The following ZNF385B variants were observed in gnomAD, a reference collection of about 807,000 sequenced individuals.
ZNF385B encodes zinc finger protein 533.
ZNF385B carries 23 observed loss-of-function variants against 39.2 expected under a neutral mutation model. That is an observed-to-expected ratio of 0.59 (90% CI 0.42 to 0.83). ZNF385B has a LOEUF of 0.83. Ranked by LOEUF, ZNF385B falls within the 40% of genes least tolerant of loss-of-function variation. ZNF385B has a pLI of 0.00. For synonymous variants in ZNF385B, 205 were observed against 222.6 expected (o/e 0.92, Z 0.70); for missense variants, 552 against 598.9 (o/e 0.92, Z 0.82).
chr2:179,584,448 A>G (rs1686873455), intron 3 of ZNF385B, among the ~76,000 whole-genome samples: 1 of 152,210 alleles, frequency 6.6e-6, no homozygotes, highest in African/African-American at 2.4e-5. Context: ...AGTTTTCTGA[A>G]GGAGGCAACA....
chr2:179,686,202 T>C (rs1697913535), intron 3 of ZNF385B, among the ~76,000 whole-genome samples: 1 of 152,210 alleles, frequency 6.6e-6, no homozygotes, highest in Non-Finnish European at 1.5e-5. Flanking sequence ...TGTGTCCCCT[T>C]TAACAGCTGT....
intron 6 of ZNF385B, among the ~76,000 whole-genome samples, chr2:179,471,356 G>C (rs1182142690): frequency 6.6e-6 from 1 of 152,118 alleles, no homozygotes; most frequent in Non-Finnish European, 1.5e-5. Context: ...TCATAATCTT[G>C]TCACACTAAA....
chr2:179,754,760 T>G (rs1035222389), intron 3 of ZNF385B, among the ~76,000 whole-genome samples: 3 of 152,158 alleles, frequency 2.0e-5, no homozygotes, highest in African/African-American at 7.2e-5. Context: ...TTGTATTTCT[T>G]TGGGATCGGT....
intron 1 of ZNF385B, among the ~76,000 whole-genome samples, chr2:179,817,062 C>T (rs573262636): frequency 6.6e-6 from 1 of 152,136 alleles, no homozygotes; most frequent in South Asian, 2.1e-4. Flanking sequence ...TGTTGAAAAT[C>T]GAAGAAGGAC....
intron 1 of ZNF385B, among the ~76,000 whole-genome samples, chr2:179,775,318 A>G (rs879030930): frequency 3.3e-5 from 5 of 152,236 alleles, no homozygotes; most frequent in Non-Finnish European, 7.3e-5. Context: ...GTATAAAATT[A>G]AGAACCTTAA....
intron 4 of ZNF385B, among the ~76,000 whole-genome samples, chr2:179,538,862 A>T (rs1448454402): frequency 1.3e-5 from 2 of 152,220 alleles, no homozygotes; most frequent in African/African-American, 4.8e-5. Context: ...ACTCACAAAA[A>T]CATTTCAAAT....
intron 1 of ZNF385B, among the ~76,000 whole-genome samples, chr2:179,779,406 G>T (rs993944906): frequency 4.6e-5 from 7 of 152,372 alleles, no homozygotes; most frequent in Admixed American, 3.9e-4. Flanking sequence ...AGCAGGGCCT[G>T]GTTGGTCATG....
chr2:179,858,561 T>G (rs78275225), intron 1 of ZNF385B, among the ~76,000 whole-genome samples: 2 of 151,514 alleles, frequency 1.3e-5, no homozygotes, highest in African/African-American at 4.9e-5. Flanking sequence ...TCCCCAAAAA[T>G]TTTTTTAAAA....
At chr2:179,456,688 C>T (rs748005802) in intron 6 of ZNF385B, among the ~76,000 whole-genome samples, 8 of 152,082 alleles carry the variant, frequency 5.3e-5, no homozygotes, top group African/African-American at 7.2e-5. Context: ...ATTTGCTTTA[C>T]GCAGAGCAAA....
At chr2:179,514,716 A>C (rs2057957859) in intron 5 of ZNF385B, among the ~76,000 whole-genome samples, 2 of 152,150 alleles carry the variant, frequency 1.3e-5, no homozygotes. Context: ...AGTGATTACA[A>C]ATAGGGAATG....
At chr2:179,802,740 C>T (rs1706111214) in intron 1 of ZNF385B, 1 of 151,320 alleles carries the variant, frequency 6.6e-6, no homozygotes, top group Admixed American at 6.6e-5. Flanking sequence ...ATGCTTACAA[C>T]TTACAAAACT....
intron 3 of ZNF385B, among the ~76,000 whole-genome samples, chr2:179,670,149 G>C (rs545230802): frequency 6.6e-6 from 1 of 151,880 alleles, no homozygotes; most frequent in Non-Finnish European, 1.5e-5. Flanking sequence ...AAAATTAGCC[G>C]GGCGTGATGG....
intron 4 of ZNF385B, among the ~76,000 whole-genome samples, chr2:179,526,853 A>T (rs1028491736): frequency 1.3e-5 from 2 of 152,174 alleles, no homozygotes; most frequent in South Asian, 4.1e-4. Flanking sequence ...GTTTGGGGAG[A>T]TGGTTTCTTC....
chr2:179,602,905 T>C (rs1019083884), intron 3 of ZNF385B, among the ~76,000 whole-genome samples: 1 of 152,238 alleles, frequency 6.6e-6, no homozygotes, highest in African/African-American at 2.4e-5. Context: ...TTGGTATTTA[T>C]TTTTCACTGT....
At chr2:179,681,185 A>G (rs1051810502) in intron 3 of ZNF385B, among the ~76,000 whole-genome samples, 2 of 151,770 alleles carry the variant, frequency 1.3e-5, no homozygotes, top group African/African-American at 2.4e-5. Context: ...AAAACTACAT[A>G]AATTTATTAA....
chr2:179,515,903 T>C (rs1377444601), intron 5 of ZNF385B, among the ~76,000 whole-genome samples: 1 of 152,178 alleles, frequency 6.6e-6, no homozygotes, highest in Non-Finnish European at 1.5e-5. Context: ...AAAACGTTCC[T>C]GCATTTCCCT....
chr2:179,767,791 T>C (rs1703790356), intron 3 of ZNF385B, among the ~76,000 whole-genome samples: 1 of 152,114 alleles, frequency 6.6e-6, no homozygotes, highest in African/African-American at 2.4e-5. Flanking sequence ...TTCAGAAATA[T>C]AATTTTTAAT....
At chr2:179,494,376 G>C (rs1052535165) in intron 5 of ZNF385B, among the ~76,000 whole-genome samples, 3 of 152,028 alleles carry the variant, frequency 2.0e-5, no homozygotes, top group Non-Finnish European at 2.9e-5. Context: ...GTGTACAGTG[G>C]AGAGGCTCGG....
In ZNF385B at chr2:179,446,760, C is replaced by T. The variant is rs1574164564; in HGVS notation, c.726G>A (p.Gly242=). The T allele has an allele frequency of 1.2e-6, 2 of 1,610,438 alleles. No individual in the cohort carries two copies. The highest frequency in any genetic ancestry group is 1.7e-5 in the Admixed American group (1 of 59,160). The change falls in exon 7 of 10, where the codon GGG becomes GGA. Residue 242 remains glycine, a synonymous_variant. Coordinates refer to ENST00000410066, the MANE Select transcript of ZNF385B (RefSeq NM_152520.6). Reference sequence around the variant, plus strand: ...GACTGGAACTGCTGGCTTTTAACTTCCCTTTATCTTCTAAGAGAAACACAG... The same window carrying T: ...GACTGGAACTGCTGGCTTTTAACTTTCCTTTATCTTCTAAGAGAAACACAG... ...GNNSDKSEDK[G]KLKASSSSQP... is the part of the protein sequence containing the mutation.
Sources: allele counts gnomAD v4.1 joint callset (sites outside exome capture counted in the v4.1 genomes callset), GRCh38; gene constraint gnomAD v4.1.1; transcripts MANE v1.5; gene names NCBI Gene and HGNC (gene_info 2026-07-23, HGNC 2026-07-21).